Variants in SLX4IP observed in about 807,000 individuals in gnomAD.
SLX4IP encodes the protein SLX4 interacting protein.
SLX4IP carries 34 observed loss-of-function variants against 32.9 expected under a neutral mutation model. The observed-to-expected ratio is 1.03, with a 90% confidence interval of 0.79 to 1.38. The LOEUF (loss-of-function observed/expected upper bound fraction) is 1.38. SLX4IP is among the 40% of genes most tolerant of loss of function. The pLI, the probability that SLX4IP is intolerant of heterozygous loss-of-function variation, is 0.00. For missense variants in SLX4IP, 444 were observed against 479.0 expected (o/e 0.93, Z 0.68); for synonymous variants, 172 against 171.7 (o/e 1.00, Z -0.01).
chr20:10,531,567 C>A (rs775178461), intron 2 of SLX4IP, among the ~76,000 whole-genome samples: 1 of 152,072 alleles, frequency 6.6e-6, no homozygotes, highest in African/African-American at 2.4e-5. Context: ...TGAATAAGAC[C>A]GACAAAGTCC....
intron 2 of SLX4IP, among the ~76,000 whole-genome samples, chr20:10,475,941 A>G (rs2065472400): frequency 6.6e-6 from 1 of 152,168 alleles, no homozygotes; most frequent in South Asian, 2.1e-4. Context: ...CTTTTTACAG[A>G]ACATAGTAAT....
At chr20:10,611,636 G>A (rs2066967766) in intron 6 of SLX4IP, among the ~76,000 whole-genome samples, 1 of 152,202 alleles carries the variant, frequency 6.6e-6, no homozygotes, top group Non-Finnish European at 1.5e-5. Flanking sequence ...GCCAGTTTCT[G>A]GAGTCAGGTA....
chr20:10,455,144 G>C (rs1386639544), intron 1 of SLX4IP, among the ~76,000 whole-genome samples: 4 of 152,100 alleles, frequency 2.6e-5, no homozygotes, highest in African/African-American at 9.7e-5. Flanking sequence ...TCCTTCATCA[G>C]ATGTATGATT....
chr20:10,597,029 A>C (rs527265899), intron 4 of SLX4IP, among the ~76,000 whole-genome samples: 18 of 152,382 alleles, frequency 1.2e-4, no homozygotes, highest in African/African-American at 2.9e-4. Flanking sequence ...GCATGACTAA[A>C]GCAATTGTTC....
intron 1 of SLX4IP, among the ~76,000 whole-genome samples, chr20:10,438,281 T>G (rs1568681172): frequency 6.6e-6 from 1 of 151,780 alleles, no homozygotes; most frequent in Non-Finnish European, 1.5e-5. Context: ...ATACAGTTAA[T>G]GCACATATTA....
intron 2 of SLX4IP, among the ~76,000 whole-genome samples, chr20:10,498,685 T>C (rs1345001401): frequency 1.3e-4 from 2 of 15,108 alleles, no homozygotes; most frequent in African/African-American, 5.5e-4. Flanking sequence ...TTTTCTTTTC[T>C]TTTTTTTTTT....
chr20:10,617,765 C>T (rs1600161892), intron 6 of SLX4IP, among the ~76,000 whole-genome samples: 1 of 151,000 alleles, frequency 6.6e-6, no homozygotes, highest in East Asian at 2.0e-4. Context: ...CCTCCCACCT[C>T]AGCCTGCTGA....
chr20:10,545,011 C>T (rs2066148267), intron 2 of SLX4IP, among the ~76,000 whole-genome samples: 1 of 152,054 alleles, frequency 6.6e-6, no homozygotes, highest in Admixed American at 6.6e-5. Flanking sequence ...GATCCTGGGC[C>T]CCTCTCTGTA....
intron 2 of SLX4IP, among the ~76,000 whole-genome samples, chr20:10,486,937 G>A (rs370789811): frequency 2.4e-5 from 3 of 123,294 alleles, no homozygotes; most frequent in Non-Finnish European, 5.5e-5. Context: ...TTTTTTTTTT[G>A]AATAATCTCT....
intron 2 of SLX4IP, among the ~76,000 whole-genome samples, chr20:10,525,851 A>G (rs959296069): frequency 1.3e-5 from 2 of 151,838 alleles, no homozygotes; most frequent in Non-Finnish European, 2.9e-5. Context: ...CTTTTCTCAC[A>G]CCTTCCACTG....
intron 2 of SLX4IP, among the ~76,000 whole-genome samples, chr20:10,529,113 CTAAAAAGTAGATTCAGA>C (rs1296156775): frequency 1.3e-5 from 2 of 152,200 alleles, no homozygotes; most frequent in African/African-American, 4.8e-5. Flanking sequence ...TGTCTAAAGA[CTAAAAAGTAGATTCAGA>C]TTTTGCTTAC....
intron 6 of SLX4IP, among the ~76,000 whole-genome samples, chr20:10,619,734 G>T (rs191090282): frequency 6.6e-6 from 1 of 152,160 alleles, no homozygotes; most frequent in African/African-American, 2.4e-5. Context: ...AGAATCTACT[G>T]TACTTATAGG....
chr20:10,494,195 C>T (rs968912356), intron 2 of SLX4IP, among the ~76,000 whole-genome samples: 2 of 151,622 alleles, frequency 1.3e-5, no homozygotes, highest in African/African-American at 2.4e-5. Context: ...TTACTAATCT[C>T]GTTAAATGAT....
At chr20:10,622,194 T>C (rs2067118825) in intron 7 of SLX4IP, among the ~76,000 whole-genome samples, 1 of 152,230 alleles carries the variant, frequency 6.6e-6, no homozygotes, top group Non-Finnish European at 1.5e-5. Flanking sequence ...ACCAGCTAAA[T>C]GGTGGTTATA....
At chr20:10,444,049 A>G (rs1264909805) in intron 1 of SLX4IP, among the ~76,000 whole-genome samples, 2 of 152,206 alleles carry the variant, frequency 1.3e-5, no homozygotes, top group African/African-American at 4.8e-5. Context: ...GCAAGAACAG[A>G]CTAATACAAG....
intron 2 of SLX4IP, among the ~76,000 whole-genome samples, chr20:10,543,818 C>A (rs2122481801): frequency 6.6e-6 from 1 of 152,342 alleles, no homozygotes; most frequent in African/African-American, 2.4e-5. Context: ...TGAGGAACTT[C>A]ATTTGATTCC....
chr20:10,487,219 T>C (rs2065582227), intron 2 of SLX4IP, among the ~76,000 whole-genome samples: 1 of 152,232 alleles, frequency 6.6e-6, no homozygotes, highest in South Asian at 2.1e-4. Flanking sequence ...ACTGTGATAC[T>C]TGTTAGATCT....
intron 2 of SLX4IP, among the ~76,000 whole-genome samples, chr20:10,534,352 A>G (rs569575854): frequency 3.9e-5 from 6 of 152,318 alleles, no homozygotes; most frequent in Admixed American, 1.3e-4. Context: ...TCAATCATCA[A>G]TAACTAAATT....
chr20:10,442,563 T>C (rs1417138144), intron 1 of SLX4IP, among the ~76,000 whole-genome samples: 1 of 152,264 alleles, frequency 6.6e-6, no homozygotes, highest in Non-Finnish European at 1.5e-5. Context: ...GTAAATTATA[T>C]ACTTTCAGAT....
Sources: allele counts gnomAD v4.1 joint callset (sites outside exome capture counted in the v4.1 genomes callset), GRCh38; gene constraint gnomAD v4.1.1; transcripts MANE v1.5; gene names NCBI Gene and HGNC (gene_info 2026-07-23, HGNC 2026-07-21).